Variants in CBFA2T2 observed in about 807,000 individuals in gnomAD.
The protein encoded by CBFA2T2 is CBFA2/RUNX1 partner transcriptional co-repressor 2.
Under a neutral mutation model 62.2 loss-of-function variants are expected in CBFA2T2, and 11 were observed. The observed-to-expected ratio is 0.18, with a 90% CI of 0.11 to 0.29. The LOEUF is 0.29. Among genes scored for constraint, CBFA2T2 ranks in the 10% least tolerant of loss-of-function variants. The pLI is 1.00. For synonymous variants in CBFA2T2, 295 were observed against 287.5 expected, an observed-to-expected ratio of 1.03 and a Z score of -0.27; for missense variants, 592 against 774.1, an observed-to-expected ratio of 0.76 and a Z score of 2.79.
chr20:33,554,597 TTTC>T (rs2012837521), intron 1 of CBFA2T2, among the ~76,000 whole-genome samples: 1 of 146,234 alleles, frequency 6.8e-6, no homozygotes, highest in African/African-American at 2.5e-5. Context: ...TCCTTTTTCT[TTTC>T]TTTTTTTTTT....
intron 1 of CBFA2T2, among the ~76,000 whole-genome samples, chr20:33,570,239 C>T (rs1417257802): frequency 1.3e-5 from 2 of 152,210 alleles, no homozygotes; most frequent in Admixed American, 1.3e-4. Flanking sequence ...CGAGATCATG[C>T]CACTGCACTC....
At chr20:33,643,215 A>C (rs1601125587) in intron 10 of CBFA2T2, among the ~76,000 whole-genome samples, 1 of 152,204 alleles carries the variant, frequency 6.6e-6, no homozygotes, top group African/African-American at 2.4e-5. Flanking sequence ...TACTGGCAGT[A>C]TACCCTTAAA....
At chr20:33,495,301 G>C (rs1242240028) in intron 1 of CBFA2T2, among the ~76,000 whole-genome samples, 1 of 150,566 alleles carries the variant, frequency 6.6e-6, no homozygotes, top group Non-Finnish European at 1.5e-5. Flanking sequence ...CAGGAGAATT[G>C]CTTGAAGCCA....
At chr20:33,533,383 A>G (rs971590732) in intron 1 of CBFA2T2, among the ~76,000 whole-genome samples, 1 of 152,224 alleles carries the variant, frequency 6.6e-6, no homozygotes, top group Admixed American at 6.5e-5. Context: ...TATATGTTTT[A>G]TATAGATGAA....
In CBFA2T2 at chr20:33,647,685, A is replaced by G. The variant is rs1040713074; in HGVS notation, c.*3039A>G. The stretch of plus-strand genomic sequence containing the variant: ...AGCCAAAACCAACAAAATAATATTT[A>G]TTAGGGCTCGATGCCCATTTCTGTG... On this transcript the variant is annotated 3_prime_UTR_variant, in exon 11 of 11. Coordinates refer to ENST00000342704, the MANE Select transcript of CBFA2T2 (RefSeq NM_001032999.3). The G allele has an allele frequency of 1.3e-5, 2 of 152,224 alleles. No individual in the cohort carries two copies. The highest frequency in any genetic ancestry group is 4.1e-4 in the South Asian group (2 of 4,836). The allele number at this position is 152,224 out of a possible 1,614,324, so 9.4% of individuals were successfully genotyped here. A position where few individuals can be genotyped will look rare whatever the true frequency, so the allele number is the denominator to read the frequency against.
intron 4 of CBFA2T2, among the ~76,000 whole-genome samples, chr20:33,620,617 A>G (rs1188758108): frequency 6.6e-6 from 1 of 152,244 alleles, no homozygotes; most frequent in African/African-American, 2.4e-5. Flanking sequence ...AGGCAGGCAG[A>G]TTACCTGAGG....
At chr20:33,517,333 G>A (rs1397961095) in intron 1 of CBFA2T2, among the ~76,000 whole-genome samples, 3 of 152,126 alleles carry the variant, frequency 2.0e-5, no homozygotes, top group Non-Finnish European at 4.4e-5. Flanking sequence ...AAGCTCTGCA[G>A]GCCTAAATCC....
intron 1 of CBFA2T2, among the ~76,000 whole-genome samples, chr20:33,602,919 A>G (rs1463128492): frequency 6.6e-6 from 1 of 152,172 alleles, no homozygotes; most frequent in African/African-American, 2.4e-5. Flanking sequence ...AGTTCATCTG[A>G]TGGTAACCGA....
chr20:33,513,817 A>G (rs1286977101), intron 1 of CBFA2T2, among the ~76,000 whole-genome samples: 1 of 5,526 alleles, frequency 1.8e-4, no homozygotes, highest in African/African-American at 2.2e-4. Context: ...CTGTCCCAGG[A>G]AAAAAAAAAA....
At chr20:33,543,175 G>T (rs888691235) in intron 1 of CBFA2T2, among the ~76,000 whole-genome samples, 3 of 151,844 alleles carry the variant, frequency 2.0e-5, no homozygotes, top group Non-Finnish European at 4.4e-5. Flanking sequence ...CACCATGCCC[G>T]GCTAACTTTT....
At chr20:33,569,523 T>C (rs942112830) in intron 1 of CBFA2T2, among the ~76,000 whole-genome samples, 1 of 152,218 alleles carries the variant, frequency 6.6e-6, no homozygotes, top group African/African-American at 2.4e-5. Flanking sequence ...CTTCAAACTC[T>C]AGATAGAATT....
At chr20:33,535,594 T>G (rs2012182988) in intron 1 of CBFA2T2, among the ~76,000 whole-genome samples, 1 of 143,382 alleles carries the variant, frequency 7.0e-6, no homozygotes, top group Non-Finnish European at 1.5e-5. Flanking sequence ...GGGCATGGAT[T>G]GAGTTTTATT....
intron 1 of CBFA2T2, among the ~76,000 whole-genome samples, chr20:33,528,471 CTTGA>C (rs1408641328): frequency 6.6e-6 from 1 of 152,146 alleles, no homozygotes; most frequent in African/African-American, 2.4e-5. Context: ...TTTTCACTGG[CTTGA>C]TTGTTTGGTG....
intron 8 of CBFA2T2, among the ~76,000 whole-genome samples, chr20:33,631,027 A>G (rs1342198875): frequency 6.6e-6 from 1 of 152,188 alleles, no homozygotes; most frequent in Non-Finnish European, 1.5e-5. Flanking sequence ...AAAAACTCGA[A>G]AAACAGGCCG....
intron 1 of CBFA2T2, among the ~76,000 whole-genome samples, chr20:33,514,075 G>A (rs973658298): frequency 2.0e-5 from 3 of 150,670 alleles, no homozygotes; most frequent in African/African-American, 7.3e-5. Flanking sequence ...TACTTTTTTT[G>A]TATTTTTAGT....
At chr20:33,510,710 C>T (rs1280832562) in intron 1 of CBFA2T2, among the ~76,000 whole-genome samples, 2 of 152,186 alleles carry the variant, frequency 1.3e-5, no homozygotes, top group African/African-American at 2.4e-5. Context: ...GGAATCACCA[C>T]ACTGTCTTCC....
intron 8 of CBFA2T2, among the ~76,000 whole-genome samples, chr20:33,633,882 GTATATTAATATTTTTATTA>G (rs973323019): frequency 3.9e-5 from 6 of 152,114 alleles, no homozygotes; most frequent in African/African-American, 1.4e-4. Context: ...ATGTTAAATT[GTATATTAATATTTTTATTA>G]TATTGTATGT....
chr20:33,640,234 T>C (rs924949988), intron 9 of CBFA2T2, 107 bp from the exon 10 acceptor site: 1 of 1,025,288 alleles, frequency 9.8e-7, no homozygotes, highest in African/African-American at 1.6e-5. Context: ...CCCTGTGGAG[T>C]TTTAGAAAAG....
intron 1 of CBFA2T2, among the ~76,000 whole-genome samples, chr20:33,545,025 TGCA>T (rs2012512060): frequency 7.5e-6 from 1 of 133,972 alleles, no homozygotes; most frequent in Non-Finnish European, 1.5e-5. Context: ...CAGAACAGAA[TGCA>T]AGGTAGACAG....
Sources: allele counts gnomAD v4.1 joint callset (sites outside exome capture counted in the v4.1 genomes callset), GRCh38; gene constraint gnomAD v4.1.1; transcripts MANE v1.5; gene names NCBI Gene and HGNC (gene_info 2026-07-23, HGNC 2026-07-21).